Variants in RSU1 observed in about 807,000 individuals in gnomAD.
RSU1 encodes the protein Ras suppressor protein 1.
RSU1 carries 26 observed loss-of-function variants against 31.1 expected under a neutral mutation model. That is an observed-to-expected ratio of 0.84 (90% confidence interval 0.61 to 1.16). The LOEUF is 1.16. RSU1 is among the 50% of genes most tolerant of loss of function. RSU1 has a pLI of 0.00. For missense variants in RSU1, 320 were observed against 339.1 expected, an observed-to-expected ratio of 0.94 and a Z score of 0.44; for synonymous variants, 164 against 136.3, an observed-to-expected ratio of 1.20 and a Z score of -1.41.
At chr10:16,730,388 A>T (rs554963875) in intron 7 of RSU1, among the ~76,000 whole-genome samples, 6 of 152,178 alleles carry the variant, frequency 3.9e-5, no homozygotes, top group Non-Finnish European at 7.3e-5. Context: ...AGAGACCACC[A>T]TGTGAACAAA....
chr10:16,810,152 A>G (rs926510063), intron 2 of RSU1, among the ~76,000 whole-genome samples: 13 of 152,132 alleles, frequency 8.5e-5, no homozygotes, highest in African/African-American at 2.9e-4. Flanking sequence ...AATTGCTTCA[A>G]CCTGGGAGGC....
At chr10:16,740,980 A>G (rs1447696745) in intron 7 of RSU1, among the ~76,000 whole-genome samples, 1 of 152,328 alleles carries the variant, frequency 6.6e-6, no homozygotes, top group East Asian at 1.9e-4. Context: ...TTCATTTGGA[A>G]ACTCACAGGC....
At chr10:16,685,761 G>A (rs1361725998) in intron 8 of RSU1, among the ~76,000 whole-genome samples, 1 of 152,138 alleles carries the variant, frequency 6.6e-6, no homozygotes, top group African/African-American at 2.4e-5. Context: ...AACCATCTGG[G>A]AATGCAGCCC....
intron 4 of RSU1, among the ~76,000 whole-genome samples, chr10:16,757,465 A>G (rs1357038338): frequency 1.3e-5 from 2 of 152,194 alleles, no homozygotes; most frequent in Non-Finnish European, 2.9e-5. Context: ...GACTACACCC[A>G]GCAAAACTAC....
intron 7 of RSU1, among the ~76,000 whole-genome samples, chr10:16,727,917 G>A (rs997905931): frequency 5.3e-5 from 8 of 152,098 alleles, no homozygotes; most frequent in African/African-American, 1.9e-4. Context: ...ATGAAGATCC[G>A]AAACACCACC....
chr10:16,790,301 G>A (rs1281101739), intron 2 of RSU1, among the ~76,000 whole-genome samples: 1 of 152,112 alleles, frequency 6.6e-6, no homozygotes, highest in Non-Finnish European at 1.5e-5. Flanking sequence ...TGATTAGCCT[G>A]GAATGGTCTT....
chr10:16,659,315 T>C (rs1834845601), intron 8 of RSU1, among the ~76,000 whole-genome samples: 1 of 150,882 alleles, frequency 6.6e-6, no homozygotes, highest in Non-Finnish European at 1.5e-5. Flanking sequence ...TTTTTTTTTT[T>C]TTTTTTTTAG....
At chr10:16,747,283 G>A (rs1245118517) in intron 7 of RSU1, among the ~76,000 whole-genome samples, 1 of 152,158 alleles carries the variant, frequency 6.6e-6, no homozygotes, top group Non-Finnish European at 1.5e-5. Flanking sequence ...AATGTATGCT[G>A]ATAATGCCCC....
chr10:16,709,356 T>C (rs904148133), intron 7 of RSU1, among the ~76,000 whole-genome samples: 3 of 152,212 alleles, frequency 2.0e-5, no homozygotes, highest in South Asian at 2.1e-4. Context: ...TACTATTCCA[T>C]GGTGTATATG....
rs530023980 is a variant in RSU1 at position 16,803,725 on chromosome 10, T to A, written c.109+13248A>T. On this transcript the variant is annotated intron_variant, in intron 2 of 8. Coordinates refer to ENST00000345264, the MANE Select transcript of RSU1 (RefSeq NM_012425.4). ...TGGCAAAAGTGCAAAGGCAATTCAG[T>A]GAGAAAAGGAGTCTTTTCAACAAAC... is the stretch of plus-strand genomic sequence containing the variant. Among the ~76,000 whole-genome samples, 3 of 152,260 alleles carry A rather than the reference T, an allele frequency of 2.0e-5. No homozygotes were observed. In the South Asian group the frequency reaches 6.2e-4, roughly 32 times the overall value.
intron 8 of RSU1, among the ~76,000 whole-genome samples, chr10:16,641,768 T>G (rs1834446713): frequency 6.6e-6 from 1 of 152,144 alleles, no homozygotes; most frequent in South Asian, 2.1e-4. Flanking sequence ...TCACATCCAG[T>G]AGCAGTCGTG....
intron 3 of RSU1, among the ~76,000 whole-genome samples, chr10:16,774,270 T>TA (rs1837484521): frequency 2.6e-5 from 4 of 152,204 alleles, no homozygotes; most frequent in Admixed American, 2.6e-4. Flanking sequence ...TGTGATGCAT[T>TA]AAAAATCATC....
intron 2 of RSU1, among the ~76,000 whole-genome samples, chr10:16,801,247 T>C (rs1300513818): frequency 1.3e-5 from 2 of 152,126 alleles, no homozygotes; most frequent in Non-Finnish European, 1.5e-5. Context: ...GTCATGTTAA[T>C]TTCAGACAAA....
chr10:16,726,818 C>T (rs1176789949), intron 7 of RSU1, among the ~76,000 whole-genome samples: 3 of 152,002 alleles, frequency 2.0e-5, no homozygotes, highest in Admixed American at 2.0e-4. Context: ...TTTAATGTAC[C>T]TAAAAAAATG....
chr10:16,689,076 T>C (rs963022920), intron 8 of RSU1, among the ~76,000 whole-genome samples: 2 of 152,016 alleles, frequency 1.3e-5, no homozygotes, highest in African/African-American at 4.8e-5. Flanking sequence ...ACAGAAATTG[T>C]TTTTCTGTGG....
chr10:16,631,942 G>A (rs12267476), intron 8 of RSU1, among the ~76,000 whole-genome samples: 20,898 of 152,162 alleles, frequency 0.14, 1,454 homozygotes, highest in Non-Finnish European at 0.16. Context: ...GATGTTCATG[G>A]CAAATGTGAT....
intron 8 of RSU1, among the ~76,000 whole-genome samples, chr10:16,651,133 A>G (rs1834677894): frequency 6.6e-6 from 1 of 152,234 alleles, no homozygotes; most frequent in African/African-American, 2.4e-5. Flanking sequence ...ATATGCATCA[A>G]CGTTTTTACT....
chr10:16,698,016 T>TC (rs1835716748), intron 7 of RSU1, among the ~76,000 whole-genome samples: 1 of 101,768 alleles, frequency 9.8e-6, no homozygotes, highest in African/African-American at 3.8e-5. Flanking sequence ...TTTTTTTTTT[T>TC]TTTACTTTGG....
At chr10:16,806,277 C>T (rs1401860359) in intron 2 of RSU1, among the ~76,000 whole-genome samples, 2 of 152,166 alleles carry the variant, frequency 1.3e-5, no homozygotes, top group Non-Finnish European at 2.9e-5. Flanking sequence ...ACCGGGTGGC[C>T]ACAGGCACTC....
Sources: allele counts gnomAD v4.1 joint callset (sites outside exome capture counted in the v4.1 genomes callset), GRCh38; gene constraint gnomAD v4.1.1; transcripts MANE v1.5; gene names NCBI Gene and HGNC (gene_info 2026-07-23, HGNC 2026-07-21).